The following PCM1 variants were observed in gnomAD, a reference collection of about 807,000 sequenced individuals.
PCM1 encodes pericentriolar material 1 protein.
In PCM1, 157 loss-of-function variants were observed where a neutral mutation model predicts 241.9. The observed-to-expected ratio is 0.65, with a 90% CI of 0.57 to 0.74. PCM1 has a LOEUF of 0.74. Among genes scored for constraint, PCM1 ranks in the 30% least tolerant of loss-of-function variants. The pLI is 0.00. For missense variants in PCM1, 3,478 were observed against 2,360.1 expected (o/e 1.47, Z -9.81); for synonymous variants, 1,085 against 784.9 (o/e 1.38, Z -6.39).
intron 26 of PCM1, among the ~76,000 whole-genome samples, chr8:17,988,209 A>AT (rs35891156): frequency 0.47 from 71,533 of 151,484 alleles, 18,917 homozygotes; most frequent in Non-Finnish European, 0.62. Flanking sequence ...AAACAGTAAA[A>AT]AAAATGGTTT....
intron 2 of PCM1, among the ~76,000 whole-genome samples, chr8:17,930,633 C>G (rs1034496231): frequency 2.0e-5 from 3 of 151,630 alleles, no homozygotes; most frequent in African/African-American, 4.8e-5. Flanking sequence ...AATCCCAGCA[C>G]TTTGGGAGGC....
chr8:17,987,400 A>C (rs548681706), intron 26 of PCM1, among the ~76,000 whole-genome samples: 5 of 151,946 alleles, frequency 3.3e-5, no homozygotes, highest in African/African-American at 9.6e-5. Flanking sequence ...CTTTTATCCA[A>C]GTTTCATACA....
rs2060701073 is a variant in PCM1 at position 17,937,290 on chromosome 8, C to T, written c.253C>T (p.His85Tyr). 1.2e-6 allele frequency: 2 copies of T among 1,609,814 alleles called. No homozygotes were observed. The highest frequency in any genetic ancestry group is 1.7e-6 in the Non-Finnish European group (2 of 1,176,924). ...AACAAAGACTCCACATACGTTCCCA[C>T]ACAGTAGATACATGAGTCAGATGTC... Reference protein sequence around the residue: ...RRTKTPHTFPHSRYMSQMSVP... With the variant: ...RRTKTPHTFPYSRYMSQMSVP... The change falls in exon 4 of 39, where the codon CAC (histidine) becomes TAC (tyrosine). Residue 85 changes from histidine to tyrosine, a missense_variant. Coordinates refer to ENST00000325083, the MANE Select transcript of PCM1 (RefSeq NM_006197.4).
chr8:17,942,420 C>T (rs529079261), intron 6 of PCM1, among the ~76,000 whole-genome samples: 3 of 151,432 alleles, frequency 2.0e-5, no homozygotes, highest in South Asian at 4.2e-4. Context: ...TGAGCCACTG[C>T]ACTCCAGCAT....
intron 7 of PCM1, among the ~76,000 whole-genome samples, chr8:17,948,648 G>A (rs1333820731): frequency 1.3e-5 from 2 of 152,000 alleles, no homozygotes; most frequent in Admixed American, 6.6e-5. Context: ...ATAGAGTACT[G>A]TATACAGTAA....
intron 6 of PCM1, among the ~76,000 whole-genome samples, chr8:17,942,766 C>CA (rs2062536980): frequency 1.3e-5 from 2 of 152,162 alleles, no homozygotes; most frequent in African/African-American, 4.8e-5. Context: ...GAGGCCGAGG[C>CA]AGGCGGATCA....
chr8:18,011,793 C>A lies in PCM1; in HGVS notation c.5477C>A (p.Thr1826Asn). The change falls in exon 34 of 39, where the codon ACT (threonine) becomes AAT (asparagine). Residue 1826 changes from threonine (T) to asparagine (N), a missense_variant. By Grantham distance (65) the Thr-to-Asn change is moderately conservative. Transcript: ENST00000325083. ...GTCCAGACTTCCCTCCAGGCTAACA[C>A]TGAAGCTACTGAAGAAAATGAACAT... ...VDVQTSLQANTEATEENEHDE... is the reference protein window; with the variant it reads ...VDVQTSLQANNEATEENEHDE... 6.2e-7 allele frequency: 1 copy of A among 1,613,332 alleles called. No individual in the cohort carries two copies. The highest frequency in any genetic ancestry group is 1.1e-5 in the South Asian group (1 of 90,870).
chr8:17,924,008 T>TTTTGTTTTG (rs554311792), intron 1 of PCM1, among the ~76,000 whole-genome samples: 2 of 20,986 alleles, frequency 9.5e-5, no homozygotes, highest in African/African-American at 2.4e-4. Flanking sequence ...TTTTGTTTTG[T>TTTTGTTTTG]TTTTTTGAGC....
intron 2 of PCM1, among the ~76,000 whole-genome samples, chr8:17,934,496 A>C (rs571556923): frequency 1.3e-5 from 2 of 152,108 alleles, no homozygotes; most frequent in East Asian, 3.9e-4. Context: ...CCTGACCTCA[A>C]GTGATCCGCT....
rs80048372 is a variant in PCM1, at chr8:17,999,569, G to C, written c.4827+5950G>C. Among the ~76,000 whole-genome samples the C allele has an allele frequency of 3.6e-3, 547 of 151,758 alleles. 3 individuals are homozygous for C. The highest frequency in any genetic ancestry group is 6.1e-3 in the Non-Finnish European group (415 of 67,978). On this transcript the variant is annotated intron_variant, in intron 29 of 38. Coordinates refer to ENST00000325083, the MANE Select transcript of PCM1 (RefSeq NM_006197.4). ...AAAGTCCTTTTTACTCCTTGCTCTCGTCTCCTCAAGCAGAAGGAGTCACTT... is the reference window on the plus strand; with the variant it reads ...AAAGTCCTTTTTACTCCTTGCTCTCCTCTCCTCAAGCAGAAGGAGTCACTT...
chr8:18,004,639 T>G (rs2090723556), intron 29 of PCM1, among the ~76,000 whole-genome samples: 1 of 152,186 alleles, frequency 6.6e-6, no homozygotes, highest in African/African-American at 2.4e-5. Flanking sequence ...TGACTTTTTT[T>G]GTAGGACTGT....
intron 29 of PCM1, among the ~76,000 whole-genome samples, chr8:17,997,714 T>G (rs1355711095): frequency 6.6e-6 from 1 of 151,980 alleles, no homozygotes; most frequent in Non-Finnish European, 1.5e-5. Context: ...TTTATTAAAT[T>G]TATCTATGAA....
At chr8:17,926,089 T>C (rs1470957268) in intron 2 of PCM1, 1 of 151,776 alleles carries the variant, frequency 6.6e-6, no homozygotes, top group Non-Finnish European at 1.5e-5. Context: ...TGTGTTAGAG[T>C]TGTTAATACT....
rs758597953 is a variant in PCM1, at chr8:17,939,790, C to T, written c.712C>T (p.Arg238Cys). The change falls in exon 6 of 39, where the codon CGC (arginine) becomes TGC (cysteine). Residue 238 changes from arginine to cysteine, a missense_variant. By Grantham distance (180) the Arg-to-Cys change is radical. Transcript: ENST00000325083. Reference sequence around the variant, plus strand: ...AAATGAGAGATCTGCTAATGTTGAGCGCCTTACTCATCTAATAGATCACCT... The same window carrying T: ...AAATGAGAGATCTGCTAATGTTGAGTGCCTTACTCATCTAATAGATCACCT... ...EKNERSANVE[R>C]LTHLIDHLKE... 6.4e-5 allele frequency: 99 copies of T among 1,544,084 alleles called. No homozygotes were observed. The highest frequency in any genetic ancestry group is 5.0e-4 in the Middle Eastern group (3 of 5,976).
intron 18 of PCM1, among the ~76,000 whole-genome samples, chr8:17,965,728 T>G (rs901141263): frequency 6.6e-6 from 1 of 152,204 alleles, no homozygotes; most frequent in Non-Finnish European, 1.5e-5. Context: ...ACTTGTGACA[T>G]AATAAATATT....
rs755653746 is a variant in PCM1, at chr8:17,964,796, T to TTAAA, written c.2855+31_2855+32insATAA. 2.6e-6 allele frequency: 4 copies of TTAAA among 1,564,624 alleles called. No homozygotes were observed. In the South Asian group the frequency reaches 4.5e-5, roughly 17 times the overall value. ...TAGTTTCAGTATTTTAATTTTGTGC[T>TTAAA]TAATTTAAGAGGCTCAGGTCTTTTT... On this transcript the variant is annotated intron_variant, in intron 18 of 38. Coordinates refer to ENST00000325083, the MANE Select transcript of PCM1 (RefSeq NM_006197.4).
intron 29 of PCM1, among the ~76,000 whole-genome samples, chr8:18,001,596 A>G (rs565928064): frequency 2.4e-3 from 372 of 152,340 alleles, no homozygotes; most frequent in Non-Finnish European, 4.4e-3. Flanking sequence ...CTAATTTAAA[A>G]TGGAAGTTTT....
At chr8:17,959,968 T>A in intron 13 of PCM1, 46 bp from the exon 14 acceptor site, 1 of 1,547,738 alleles carries the variant, frequency 6.5e-7, no homozygotes, top group Non-Finnish European at 8.8e-7. Context: ...AATTGGATAA[T>A]GTCTTGAGGT....
At chr8:18,022,732 A>G (rs2093855566) in intron 36 of PCM1, among the ~76,000 whole-genome samples, 2 of 152,322 alleles carry the variant, frequency 1.3e-5, no homozygotes, top group East Asian at 3.9e-4. Context: ...ATGATTTAAC[A>G]CCAATTAGGG....
Sources: allele counts gnomAD v4.1 joint callset (sites outside exome capture counted in the v4.1 genomes callset), GRCh38; gene constraint gnomAD v4.1.1; transcripts MANE v1.5; gene names NCBI Gene and HGNC (gene_info 2026-07-23, HGNC 2026-07-21).